NEBL: variants seen among roughly 807,000 people sequenced by gnomAD.
NEBL encodes the protein nebulette.
NEBL carries 122 observed loss-of-function variants against 140.2 expected under a neutral mutation model. That is an observed-to-expected ratio of 0.87 (90% CI 0.75 to 1.01). The LOEUF (loss-of-function observed/expected upper bound fraction) is 1.01, where lower values mean the gene tolerates loss of function less well. Among genes scored for constraint, NEBL ranks in the 50% least tolerant of loss-of-function variants. The probability of loss-of-function intolerance (pLI) is 0.00; values close to 1 mark genes in which losing one functional copy is unlikely to be tolerated. For missense variants in NEBL, 1,365 were observed against 1,231.3 expected (o/e 1.11, Z -1.62); for synonymous variants, 436 against 398.9 (o/e 1.09, Z -1.11).
At chr10:21,209,430 G>A (rs972914203) in intron 3 of NEBL, among the ~76,000 whole-genome samples, 1 of 152,092 alleles carries the variant, frequency 6.6e-6, no homozygotes, top group Non-Finnish European at 1.5e-5. Flanking sequence ...GTCTAGCCTC[G>A]GGAGATGTGT....
chr10:21,184,685 A>T (rs1841437240), intron 3 of NEBL, among the ~76,000 whole-genome samples: 1 of 152,274 alleles, frequency 6.6e-6, no homozygotes, highest in Non-Finnish European at 1.5e-5. Context: ...GTCATGTTGG[A>T]ACAGAGTGCC....
At chr10:21,157,875 C>T (rs1840396349) in intron 2 of NEBL, among the ~76,000 whole-genome samples, 1 of 152,026 alleles carries the variant, frequency 6.6e-6, no homozygotes, top group Non-Finnish European at 1.5e-5. Flanking sequence ...CCTTAGAAAA[C>T]GAGATTAGGA....
chr10:21,016,947 T>C (rs1038641318), intron 3 of NEBL, among the ~76,000 whole-genome samples: 2 of 152,250 alleles, frequency 1.3e-5, no homozygotes, highest in African/African-American at 4.8e-5. Context: ...TTCCTACTTA[T>C]ACTTAATGCC....
intron 7 of NEBL, among the ~76,000 whole-genome samples, chr10:20,866,445 T>C (rs188927940): frequency 2.9e-4 from 44 of 152,338 alleles, no homozygotes; most frequent in Non-Finnish European, 5.7e-4. Context: ...ATTCCTATTA[T>C]GTTCTCTAAG....
At chr10:21,068,649 G>T (rs1053692290) in intron 2 of NEBL, among the ~76,000 whole-genome samples, 1 of 152,194 alleles carries the variant, frequency 6.6e-6, no homozygotes, top group African/African-American at 2.4e-5. Flanking sequence ...TCAGCTGTCA[G>T]CTACTAAGCC....
chr10:20,831,621 CA>C, intron 14 of NEBL, 38 bp from the exon 15 acceptor site: 1 of 1,371,884 alleles, frequency 7.3e-7, no homozygotes, highest in Non-Finnish European at 1.0e-6. Flanking sequence ...GCTCTCCAAT[CA>C]TTTGAGAAAC....
In NEBL at chr10:20,858,270, A is replaced by G. The variant is rs766592800; in HGVS notation, c.873T>C (p.His291=). Residue 291 remains histidine (H), a synonymous_variant, in exon 9 of 28, where the codon CAT becomes CAC. Coordinates refer to ENST00000377122, the MANE Select transcript of NEBL (RefSeq NM_006393.3). ...TGAGCATTTTGCTGGCTTTCAAAACATGGTCTAAAAACAACAAATTTGGGA... is the reference window on the plus strand; with the variant it reads ...TGAGCATTTTGCTGGCTTTCAAAACGTGGTCTAAAAACAACAAATTTGGGA... ...SDLPNLLFLD[H]VLKASKMLSG... The G allele has an allele frequency of 3.7e-6, 6 of 1,610,804 alleles. No homozygotes were observed. Among genetic ancestry groups the G allele is most frequent in the African/African-American group, 2.7e-5 (2 of 74,892 alleles).
chr10:21,054,275 A>G (rs1834913589), intron 2 of NEBL, among the ~76,000 whole-genome samples: 1 of 151,890 alleles, frequency 6.6e-6, no homozygotes, highest in South Asian at 2.1e-4. Flanking sequence ...TATTGTTATC[A>G]TTACTATTAA....
upstream of NEBL, among the ~76,000 whole-genome samples, chr10:21,176,547 C>T (rs894889470): frequency 6.6e-6 from 1 of 152,062 alleles, no homozygotes; most frequent in Non-Finnish European, 1.5e-5. Flanking sequence ...CTTAAAAGGA[C>T]TCCTTTATTT....
intron 26 of NEBL, among the ~76,000 whole-genome samples, chr10:20,799,898 C>T (rs149323613): frequency 6.6e-6 from 1 of 151,762 alleles, no homozygotes; most frequent in Admixed American, 6.6e-5. Flanking sequence ...TATAGTGAAG[C>T]AAATTATCAT....
At chr10:21,139,942 G>A (rs1839540750) in intron 2 of NEBL, among the ~76,000 whole-genome samples, 1 of 149,430 alleles carries the variant, frequency 6.7e-6, no homozygotes, top group South Asian at 2.1e-4. Context: ...CTTGAGGCCA[G>A]GAGTTCGAGA....
At chr10:21,219,425 A>G (rs947747580) in intron 3 of NEBL, among the ~76,000 whole-genome samples, 1 of 152,152 alleles carries the variant, frequency 6.6e-6, no homozygotes, top group Non-Finnish European at 1.5e-5. Flanking sequence ...AGACTCTATT[A>G]CCATTTTTTT....
intron 4 of NEBL, among the ~76,000 whole-genome samples, chr10:20,949,530 C>T (rs1041258573): frequency 4.6e-5 from 7 of 152,074 alleles, no homozygotes; most frequent in Admixed American, 4.6e-4. Flanking sequence ...GAACCACGGC[C>T]AGAGTTTCAC....
At chr10:20,896,498 A>ATATATATATATATG (rs1847500223) in intron 2 of NEBL, among the ~76,000 whole-genome samples, 4 of 69,746 alleles carry the variant, frequency 5.7e-5, no homozygotes, top group Admixed American at 3.6e-4. Flanking sequence ...ATATATATAT[A>ATATATATATATATG]TATATATATA....
intron 2 of NEBL, among the ~76,000 whole-genome samples, chr10:21,155,659 G>A (rs891831057): frequency 6.6e-6 from 1 of 152,240 alleles, no homozygotes; most frequent in Non-Finnish European, 1.5e-5. Context: ...AGTAATCACT[G>A]GTAATCACTG....
At chr10:20,869,594 G>T in intron 6 of NEBL, 146 bp downstream of exon 6, 1 of 679,580 alleles carries the variant, frequency 1.5e-6, no homozygotes, top group South Asian at 1.7e-5. Context: ...TAATAAAATA[G>T]ATAATTTAGG....
At chr10:20,878,513 T>C (rs550307617) in intron 5 of NEBL, among the ~76,000 whole-genome samples, 1 of 152,212 alleles carries the variant, frequency 6.6e-6, no homozygotes, top group Non-Finnish European at 1.5e-5. Context: ...TTGTCTTTTA[T>C]AGAGATTCCA....
At chr10:21,088,386 C>T (rs555723988) in intron 2 of NEBL, among the ~76,000 whole-genome samples, 1 of 152,142 alleles carries the variant, frequency 6.6e-6, no homozygotes, top group East Asian at 1.9e-4. Flanking sequence ...ACGCAGGAGG[C>T]TGAGGCAGGA....
intron 4 of NEBL, among the ~76,000 whole-genome samples, chr10:20,950,347 C>T (rs760673840): frequency 1.2e-4 from 19 of 152,228 alleles, no homozygotes; most frequent in Admixed American, 1.3e-4. Context: ...TTTGAAACTA[C>T]GATAACTACT....
Sources: gnomAD v4.1 joint callset for allele counts (sites outside exome capture counted in the v4.1 genomes callset) on GRCh38, gnomAD v4.1.1 for gene constraint, MANE v1.5 for transcripts, NCBI Gene and HGNC (gene_info 2026-07-23, HGNC 2026-07-21) for gene names.